Variants in ZNF560 observed in about 807,000 individuals in gnomAD.
The protein encoded by ZNF560 is zinc finger protein 560.
A neutral mutation model predicts 81.8 loss-of-function variants in ZNF560; 54 were observed. The observed-to-expected ratio is 0.66, with a 90% CI of 0.53 to 0.83. ZNF560 has a LOEUF of 0.83. Ranked by LOEUF, ZNF560 falls within the 40% of genes least tolerant of loss-of-function variation. ZNF560 has a pLI of 0.00. For synonymous variants in ZNF560, 321 were observed against 317.9 expected (o/e 1.01, Z -0.10); for missense variants, 940 against 932.4 (o/e 1.01, Z -0.11).
intron 2 of ZNF560, among the ~76,000 whole-genome samples, chr19:9,476,803 T>C (rs2073209611): frequency 6.6e-6 from 1 of 152,220 alleles, no homozygotes; most frequent in Non-Finnish European, 1.5e-5. Context: ...TTATGTATTT[T>C]TTCATAGCAG....
upstream of ZNF560, among the ~76,000 whole-genome samples, chr19:9,501,894 T>C (rs765533235): frequency 1.3e-5 from 2 of 151,986 alleles, no homozygotes; most frequent in Admixed American, 6.6e-5. Context: ...GTCTCATGCC[T>C]GTAATGCCAG....
At chr19:9,499,441 C>T (rs369072944), upstream of ZNF560, among the ~76,000 whole-genome samples, 3 of 152,332 alleles carry the variant, frequency 2.0e-5, no homozygotes, top group East Asian at 1.9e-4. Flanking sequence ...GTGATCTGCC[C>T]GCCCTGCACT....
At chr19:9,451,905 A>T in the ZNF560 span, among the ~76,000 whole-genome samples, 6 of 151,624 alleles carry the variant, frequency 4.0e-5, no homozygotes, top group Admixed American at 2.6e-4. Flanking sequence ...TGAAACCCCC[A>T]TCTCTACCAA....
At chr19:9,473,356 G>A in intron 4 of ZNF560, 97 bp from the exon 5 acceptor site, 2 of 838,592 alleles carry the variant, frequency 2.4e-6, no homozygotes, top group South Asian at 1.7e-5. Context: ...TGAAGTGGGT[G>A]GATTACCTGA....
At position 9,469,294 on chromosome 19, in the gene ZNF560, C is replaced by A; in HGVS notation, c.530-107G>T. 4 of 793,616 alleles carry A rather than the reference C, an allele frequency of 5.0e-6. No homozygotes were observed. In the East Asian group the frequency reaches 8.3e-5, roughly 17 times the overall value. 49.2% of individuals were successfully genotyped at this position (793,616 alleles called of 1,614,324 possible). On this transcript the variant is annotated intron_variant, in intron 8 of 9. Transcript: ENST00000301480. The stretch of plus-strand genomic sequence containing the variant: ...TTATATATGTCTAAAATTTGGCAAT[C>A]ATATGGGGTCAAGTTTTAGTAATTT...
intron 2 of ZNF560, among the ~76,000 whole-genome samples, chr19:9,481,070 C>T (rs1311409836): frequency 8.4e-6 from 1 of 118,746 alleles, no homozygotes; most frequent in Non-Finnish European, 1.7e-5. Context: ...GCAATACAGG[C>T]AGAGATTATC....
chr19:9,478,603 T>C (rs959633858), intron 2 of ZNF560, among the ~76,000 whole-genome samples: 1 of 152,132 alleles, frequency 6.6e-6, no homozygotes, highest in Non-Finnish European at 1.5e-5. Context: ...TTAAGGGATA[T>C]ACAATATAAA....
chr19:9,481,830 T>A (rs1338979415), intron 2 of ZNF560, among the ~76,000 whole-genome samples: 5 of 152,114 alleles, frequency 3.3e-5, no homozygotes, highest in Non-Finnish European at 5.9e-5. Flanking sequence ...TTGGTGGGAG[T>A]GTAAACTAGT....
chr19:9,463,925 C>T (rs143241244), downstream of ZNF560, among the ~76,000 whole-genome samples: 13 of 152,256 alleles, frequency 8.5e-5, no homozygotes, highest in East Asian at 5.8e-4. Context: ...CCAAGTGATC[C>T]GCCTGACTTG....
chr19:9,470,611 G>T, intron 6 of ZNF560, 93 bp from the exon 7 acceptor site: 1 of 1,565,656 alleles, frequency 6.4e-7, no homozygotes, highest in South Asian at 1.1e-5. Context: ...CCCTGTACAG[G>T]GTACTGAGTG....
At chr19:9,503,844 C>T in the ZNF560 span, among the ~76,000 whole-genome samples, 1 of 152,116 alleles carries the variant, frequency 6.6e-6, no homozygotes, top group East Asian at 1.9e-4. Context: ...AACCTAATTG[C>T]TTTAATTGAC....
At chr19:9,471,408 T>C in intron 5 of ZNF560, 30 bp from the exon 6 acceptor site, 1 of 1,450,962 alleles carries the variant, frequency 6.9e-7, no homozygotes, top group Non-Finnish European at 9.2e-7. Flanking sequence ...TGAGGTTTTT[T>C]TTTTTTTTAA....
chr19:9,499,063 C>A (rs373013543), upstream of ZNF560, among the ~76,000 whole-genome samples: 258 of 152,338 alleles, frequency 1.7e-3, no homozygotes, highest in Non-Finnish European at 2.8e-3. Context: ...TCTCTTATTT[C>A]TTTTTATTTA....
chr19:9,471,221 GT>G, intron 6 of ZNF560, 74 bp downstream of exon 6: 1 of 1,099,884 alleles, frequency 9.1e-7, no homozygotes, highest in Admixed American at 2.4e-5. Flanking sequence ...ATTATCTTTT[GT>G]GCTTATTTTC....
chr19:9,487,558 T>G (rs752408711), intron 2 of ZNF560, among the ~76,000 whole-genome samples: 1 of 152,206 alleles, frequency 6.6e-6, no homozygotes, highest in Non-Finnish European at 1.5e-5. Flanking sequence ...TGCCATGCCA[T>G]GCAGGGGTCC....
the ZNF560 span, among the ~76,000 whole-genome samples, chr19:9,460,404 A>C: frequency 1.3e-5 from 2 of 152,346 alleles, no homozygotes; most frequent in African/African-American, 4.8e-5. Context: ...AGGACTGACA[A>C]AAAGAGCAAT....
At chr19:9,472,898 C>T (rs1381034410) in intron 5 of ZNF560, among the ~76,000 whole-genome samples, 2 of 152,028 alleles carry the variant, frequency 1.3e-5, no homozygotes, top group Non-Finnish European at 2.9e-5. Flanking sequence ...ACTATGACAC[C>T]ACCCCCAACT....
chr19:9,497,411 T>G (rs1162233338), intron 2 of ZNF560, among the ~76,000 whole-genome samples: 1 of 151,326 alleles, frequency 6.6e-6, no homozygotes, highest in Non-Finnish European at 1.5e-5. Context: ...GGCACACCCC[T>G]GTAATTACAG....
intron 9 of ZNF560, 25 bp from the exon 10 acceptor site, chr19:9,468,359 A>C (rs776443191): frequency 4.1e-5 from 63 of 1,533,248 alleles, no homozygotes; most frequent in Non-Finnish European, 5.5e-5. Flanking sequence ...ATGAACAATA[A>C]AGGAAGCATT....
Sources: gnomAD v4.1 joint callset for allele counts (sites outside exome capture counted in the v4.1 genomes callset) on GRCh38, gnomAD v4.1.1 for gene constraint, MANE v1.5 for transcripts, NCBI Gene and HGNC (gene_info 2026-07-23, HGNC 2026-07-21) for gene names.